The following GRID1 variants were observed in gnomAD, a reference collection of about 807,000 sequenced individuals.
GRID1 encodes the protein glutamate ionotropic receptor delta type subunit 1.
In GRID1, 28 loss-of-function variants were observed where a neutral mutation model predicts 98.0. That is an observed-to-expected ratio of 0.29 (90% CI 0.21 to 0.39). The LOEUF (loss-of-function observed/expected upper bound fraction) is 0.39. GRID1 is among the 10% of genes least tolerant of loss of function. The pLI, the probability that GRID1 is intolerant of heterozygous loss-of-function variation, is 1.00. For missense variants in GRID1, 1,111 were observed against 1,340.5 expected (o/e 0.83, Z 2.67); for synonymous variants, 553 against 538.5 (o/e 1.03, Z -0.37).
intron 4 of GRID1, among the ~76,000 whole-genome samples, chr10:86,021,723 T>G (rs1036890816): frequency 1.3e-5 from 2 of 152,120 alleles, no homozygotes; most frequent in Non-Finnish European, 2.9e-5. Context: ...ATATTCAGGT[T>G]GATGTCTGGT....
At chr10:85,957,100 G>A (rs565840786) in intron 4 of GRID1, among the ~76,000 whole-genome samples, 5 of 152,204 alleles carry the variant, frequency 3.3e-5, no homozygotes, top group African/African-American at 7.2e-5. Context: ...TCATTATCAC[G>A]AGAACAGCAT....
At chr10:85,772,899 GA>G (rs1462165316) in intron 8 of GRID1, among the ~76,000 whole-genome samples, 2 of 152,184 alleles carry the variant, frequency 1.3e-5, no homozygotes, top group Non-Finnish European at 2.9e-5. Flanking sequence ...CAGGTACAGG[GA>G]GGAACTGGTA....
intron 8 of GRID1, among the ~76,000 whole-genome samples, chr10:85,831,781 A>G (rs2131762371): frequency 6.6e-6 from 1 of 152,244 alleles, no homozygotes; most frequent in Non-Finnish European, 1.5e-5. Context: ...TGAAAGTAAA[A>G]TATGTCAAAA....
intron 4 of GRID1, among the ~76,000 whole-genome samples, chr10:86,083,782 A>G (rs1256219012): frequency 1.3e-5 from 2 of 152,184 alleles, no homozygotes; most frequent in African/African-American, 4.8e-5. Flanking sequence ...TCCACTCAGC[A>G]TGCACCCTGC....
At chr10:86,235,259 C>A (rs889408219) in intron 2 of GRID1, among the ~76,000 whole-genome samples, 2 of 152,244 alleles carry the variant, frequency 1.3e-5, no homozygotes, top group Non-Finnish European at 2.9e-5. Flanking sequence ...GGTCTCTCAA[C>A]TCCTGCCCGA....
chr10:86,057,577 C>G (rs1843592304), intron 4 of GRID1, among the ~76,000 whole-genome samples: 1 of 152,166 alleles, frequency 6.6e-6, no homozygotes, highest in Admixed American at 6.5e-5. Context: ...TTGCTGGGTT[C>G]CCAACATCCC....
intron 6 of GRID1, among the ~76,000 whole-genome samples, chr10:85,858,453 GC>G (rs1392859230): frequency 2.6e-5 from 4 of 152,078 alleles, no homozygotes; most frequent in African/African-American, 9.7e-5. Context: ...GCCACTTGAG[GC>G]CTAGAGGAGC....
intron 3 of GRID1, among the ~76,000 whole-genome samples, chr10:86,155,830 G>A (rs1203978415): frequency 6.6e-6 from 1 of 152,198 alleles, no homozygotes; most frequent in Non-Finnish European, 1.5e-5. Context: ...CTGTGTGCTT[G>A]CCTCCAGGAA....
At chr10:85,675,550 G>C (rs538608835) in intron 12 of GRID1, among the ~76,000 whole-genome samples, 1 of 152,202 alleles carries the variant, frequency 6.6e-6, no homozygotes, top group Non-Finnish European at 1.5e-5. Flanking sequence ...CTTAAGGGAG[G>C]TATCTGAGAA....
chr10:85,843,090 G>A (rs1055269480), intron 8 of GRID1, among the ~76,000 whole-genome samples: 8 of 151,982 alleles, frequency 5.3e-5, no homozygotes, highest in African/African-American at 1.2e-4. Flanking sequence ...ATAAAGATAG[G>A]CACATTGATC....
chr10:85,981,427 T>G (rs1320801146), intron 4 of GRID1, among the ~76,000 whole-genome samples: 1 of 152,114 alleles, frequency 6.6e-6, no homozygotes, highest in Non-Finnish European at 1.5e-5. Flanking sequence ...CTGCCAGGGA[T>G]GCTAACTTCA....
At chr10:85,821,927 G>A (rs1842776495) in intron 8 of GRID1, among the ~76,000 whole-genome samples, 1 of 152,080 alleles carries the variant, frequency 6.6e-6, no homozygotes, top group African/African-American at 2.4e-5. Flanking sequence ...ACAAAAACAA[G>A]AAATGGGGAA....
chr10:86,174,510 T>G (rs905590546), intron 3 of GRID1, among the ~76,000 whole-genome samples: 2 of 151,782 alleles, frequency 1.3e-5, no homozygotes, highest in Non-Finnish European at 2.9e-5. Flanking sequence ...ATTAAAGACT[T>G]AAACATTAGA....
chr10:85,758,050 G>C (rs1842115445), intron 8 of GRID1, among the ~76,000 whole-genome samples: 1 of 152,208 alleles, frequency 6.6e-6, no homozygotes, highest in African/African-American at 2.4e-5. Flanking sequence ...CCAACAGAGG[G>C]AGTAGAGCAT....
chr10:86,068,834 C>G (rs1436958983), intron 4 of GRID1, among the ~76,000 whole-genome samples: 1 of 152,180 alleles, frequency 6.6e-6, no homozygotes, highest in Non-Finnish European at 1.5e-5. Flanking sequence ...GTATTAATTA[C>G]TGTCCAAGTG....
chr10:85,879,296 A>C (rs549961740), intron 5 of GRID1, among the ~76,000 whole-genome samples: 2 of 152,278 alleles, frequency 1.3e-5, no homozygotes, highest in African/African-American at 4.8e-5. Context: ...AGAACTCTCC[A>C]CCCCAAATCA....
intron 8 of GRID1, among the ~76,000 whole-genome samples, chr10:85,751,066 C>A (rs1016287207): frequency 6.6e-6 from 1 of 152,068 alleles, no homozygotes; most frequent in African/African-American, 2.4e-5. Flanking sequence ...CCAGAGGGGG[C>A]TCTGGGAGAA....
At chr10:85,849,477 G>C (rs1843037994) in intron 8 of GRID1, among the ~76,000 whole-genome samples, 2 of 152,206 alleles carry the variant, frequency 1.3e-5, no homozygotes, top group African/African-American at 4.8e-5. Flanking sequence ...CGCTGGAACA[G>C]GGAGGCTGAG....
intron 2 of GRID1, among the ~76,000 whole-genome samples, chr10:86,325,618 A>G (rs764012359): frequency 5.9e-5 from 9 of 152,278 alleles, no homozygotes; most frequent in Non-Finnish European, 8.8e-5. Context: ...TCTACTTAGA[A>G]CACTTAAAAC....
Sources: allele counts gnomAD v4.1 joint callset (sites outside exome capture counted in the v4.1 genomes callset), GRCh38; gene constraint gnomAD v4.1.1; transcripts MANE v1.5; gene names NCBI Gene and HGNC (gene_info 2026-07-23, HGNC 2026-07-21).